HUWE1: variants seen among roughly 807,000 people sequenced by gnomAD.
The protein encoded by HUWE1 is HECT, UBA and WWE domain containing E3 ubiquitin protein ligase 1.
In HUWE1, 18 loss-of-function variants were observed where a neutral mutation model predicts 299.4. That is an observed-to-expected ratio of 0.06 (90% CI 0.04 to 0.09). The LOEUF (loss-of-function observed/expected upper bound fraction) is 0.09. Ranked by LOEUF, HUWE1 falls within the 10% of genes least tolerant of loss-of-function variation. The probability of loss-of-function intolerance (pLI) is 1.00; values close to 1 mark genes in which losing one functional copy is unlikely to be tolerated. For missense variants in HUWE1, 1,832 were observed against 3,462.3 expected (o/e 0.53, Z 11.82); for synonymous variants, 1,317 against 1,286.1 (o/e 1.02, Z -0.51).
chrX:53,568,060 C>A (rs1242371998), intron 49 of HUWE1, among the ~76,000 whole-genome samples: 2 of 111,487 alleles, frequency 1.8e-5, no homozygotes, highest in African/African-American at 6.5e-5. Flanking sequence ...ACAACAAAAA[C>A]AAAATAAAGA....
chrX:53,591,057 C>T lies in HUWE1; in HGVS notation c.4038G>A (p.Glu1346=). Residue 1346 remains glutamate (E), a synonymous_variant, in exon 34 of 84, where the codon GAG becomes GAA. Transcript: ENST00000262854. ...MEALLNTSTM[E]QATEYLLTHP... is the part of the protein sequence containing the mutation. ...GGGTTAAAAGGTACTCTGTGGCCTGCTCCATGGTGCTGGTGTTCAACAGTG... is the reference window on the plus strand; with the variant it reads ...GGGTTAAAAGGTACTCTGTGGCCTGTTCCATGGTGCTGGTGTTCAACAGTG... The T allele has an allele frequency of 1.7e-6, 2 of 1,210,112 alleles. No homozygotes were observed. Among genetic ancestry groups the T allele is most frequent in the Middle Eastern group, 2.5e-4 (1 of 4,078 alleles).
chrX:53,631,889 C>A (rs2066901865), intron 9 of HUWE1: 2 of 372,021 alleles, frequency 5.4e-6, no homozygotes, highest in African/African-American at 5.1e-5. Context: ...CTTTTTTAAC[C>A]CTCCACTGAC....
At chrX:53,607,833 C>G in intron 24 of HUWE1, 134 bp from the exon 25 acceptor site, 1 of 478,314 alleles carries the variant, frequency 2.1e-6, no homozygotes. Flanking sequence ...CTCAGATAAA[C>G]CAGATGTATG....
At chrX:53,597,276 G>A (rs1465387140) in intron 29 of HUWE1, among the ~76,000 whole-genome samples, 2 of 108,392 alleles carry the variant, frequency 1.8e-5, no homozygotes, top group Admixed American at 9.9e-5. Context: ...ACATCATTGA[G>A]AAAGGGTATC....
At chrX:53,600,682 A>T (rs2064777151) in intron 28 of HUWE1, among the ~76,000 whole-genome samples, 1 of 112,752 alleles carries the variant, frequency 8.9e-6, no homozygotes, top group Admixed American at 9.3e-5. Flanking sequence ...CAAACTAGAC[A>T]TCACAGATTA....
At chrX:53,537,360 C>G in intron 78 of HUWE1, 196 bp downstream of exon 78, 1 of 478,407 alleles carries the variant, frequency 2.1e-6, no homozygotes, top group Non-Finnish European at 3.6e-6. Context: ...GGTAGCTTAG[C>G]TAAAGGGCCA....
chrX:53,540,562 C>T (rs1481798305), intron 74 of HUWE1, among the ~76,000 whole-genome samples: 2 of 112,023 alleles, frequency 1.8e-5, no homozygotes, highest in African/African-American at 6.5e-5. Flanking sequence ...CTCCTGACCT[C>T]GTGATCCACC....
At chrX:53,627,605 A>T in intron 16 of HUWE1, 90 bp from the exon 17 acceptor site, 1 of 764,294 alleles carries the variant, frequency 1.3e-6, no homozygotes, top group Non-Finnish European at 1.9e-6. Context: ...ATGGAAAAAC[A>T]CTGCAAGCAG....
At chrX:53,561,688 C>T in intron 55 of HUWE1, 68 bp downstream of exon 55, 1 of 1,204,135 alleles carries the variant, frequency 8.3e-7, no homozygotes, top group South Asian at 1.8e-5. Flanking sequence ...TGGTCCACTG[C>T]TTGGCTTACC....
Position 53,680,130 on chromosome X carries a change from G to A in HUWE1, c.-106C>T. 6.7e-6 allele frequency: 2 copies of A among 297,402 alleles called. No individual in the cohort carries two copies. The highest frequency in any genetic ancestry group is 5.9e-6 in the Non-Finnish European group (1 of 170,289). The allele number at this position is 297,402 out of a possible 1,213,427, so 24.5% of individuals were successfully genotyped here. ...CAGCTTCCCGAACCTTCCTGACCAA[G>A]TTGGCCTGCTGGTTTCTCTGGATCA... On this transcript the variant is annotated 5_prime_UTR_variant, in exon 3 of 84. Transcript: ENST00000262854.
At chrX:53,616,656 C>G (rs1464931849) in intron 21 of HUWE1, among the ~76,000 whole-genome samples, 1 of 111,515 alleles carries the variant, frequency 9.0e-6, no homozygotes, top group Non-Finnish European at 1.9e-5. Flanking sequence ...CACTAGATTA[C>G]CAGATGAACA....
intron 28 of HUWE1, among the ~76,000 whole-genome samples, chrX:53,601,515 T>G (rs1305517810): frequency 9.1e-6 from 1 of 110,073 alleles, no homozygotes; most frequent in Non-Finnish European, 1.9e-5. Context: ...ATTATCTTCA[T>G]TGCTTTCTTA....
Position 53,547,763 on chromosome X carries a change from C to T in HUWE1, c.10546G>A (p.Ala3516Thr), listed in dbSNP as rs915089345. Reference protein sequence around the residue: ...TAPTPVTSAPALVAATAISTI... With the variant: ...TAPTPVTSAPTLVAATAISTI... ...GAAATAGCCGTGGCAGCAACCAGGG[C>T]TGGAGCAGAAGTGACAGGGGTGGGT... Residue 3516 changes from alanine (A) to threonine (T), a missense_variant, in exon 68 of 84, where the codon GCC becomes ACC. Transcript: ENST00000262854. The T allele has an allele frequency of 3.3e-6, 4 of 1,201,250 alleles. No homozygotes were observed. The highest frequency in any genetic ancestry group is 2.2e-5 in the Admixed American group (1 of 45,077).
intron 2 of HUWE1, 35 bp from the exon 3 acceptor site, chrX:53,680,221 A>G: frequency 3.4e-6 from 1 of 295,167 alleles, no homozygotes; most frequent in Non-Finnish European, 5.9e-6. Context: ...GGAGTGAGAT[A>G]CACAACACAT....
At chrX:53,657,632 T>C (rs936613758) in intron 3 of HUWE1, among the ~76,000 whole-genome samples, 5 of 112,433 alleles carry the variant, frequency 4.4e-5, no homozygotes, top group Non-Finnish European at 9.4e-5. Flanking sequence ...GGAAGGAAGA[T>C]ACAGAACTGT....
intron 61 of HUWE1, among the ~76,000 whole-genome samples, chrX:53,553,434 G>A (rs2061856667): frequency 1.9e-5 from 2 of 106,778 alleles, no homozygotes; most frequent in East Asian, 3.1e-4. Context: ...GAGCCACCGC[G>A]CCCAGCCCGG....
At chrX:53,547,122 C>G (rs1348079181) in intron 68 of HUWE1, among the ~76,000 whole-genome samples, 1 of 112,103 alleles carries the variant, frequency 8.9e-6, no homozygotes, top group Non-Finnish European at 1.9e-5. Context: ...GAAAAAGAAA[C>G]CCCAGGCATT....
chrX:53,578,173 C>T (rs782457601), intron 43 of HUWE1, among the ~76,000 whole-genome samples: 10,694 of 93,366 alleles, frequency 0.11, 1,943 homozygotes, highest in African/African-American at 0.48. Flanking sequence ...TCTGCCCCGC[C>T]GCCCTGTCTG....
chrX:53,686,155 C>T (rs1199264450), intron 2 of HUWE1, 115 bp downstream of exon 2: 1 of 113,017 alleles, frequency 8.8e-6, no homozygotes, highest in Non-Finnish European at 1.9e-5. Context: ...GCCTGCCTGC[C>T]CGCCCCTCAC....
Sources: allele counts gnomAD v4.1 joint callset (sites outside exome capture counted in the v4.1 genomes callset), GRCh38; gene constraint gnomAD v4.1.1; transcripts MANE v1.5; gene names NCBI Gene and HGNC (gene_info 2026-07-23, HGNC 2026-07-21).